ZNF827: variants seen among roughly 807,000 people sequenced by gnomAD.
ZNF827 encodes the protein zinc finger protein 827.
Under a neutral mutation model 102.4 loss-of-function variants are expected in ZNF827, and 13 were observed. That is an observed-to-expected ratio of 0.13 (90% CI 0.08 to 0.20). The LOEUF is 0.20. Ranked by LOEUF, ZNF827 falls within the 10% of genes least tolerant of loss-of-function variation. The pLI is 1.00. For missense variants in ZNF827, 1,103 were observed against 1,344.4 expected (o/e 0.82, Z 2.81); for synonymous variants, 523 against 536.2 (o/e 0.98, Z 0.34).
chr4:145,779,881 G>A (rs890561210), intron 8 of ZNF827, among the ~76,000 whole-genome samples: 1 of 152,198 alleles, frequency 6.6e-6, no homozygotes, highest in Non-Finnish European at 1.5e-5. Flanking sequence ...GTAGGCTCTT[G>A]CCACAAGGCA....
At chr4:145,815,407 G>A (rs909864699) in intron 8 of ZNF827, among the ~76,000 whole-genome samples, 4 of 152,198 alleles carry the variant, frequency 2.6e-5, no homozygotes, top group Non-Finnish European at 5.9e-5. Flanking sequence ...AATGAAAAAT[G>A]AAGTCCTGGA....
Position 145,823,478 on chromosome 4 carries a change from T to C in ZNF827, c.2327A>G (p.Asn776Ser), listed in dbSNP as rs756365152. Residue 776 changes from asparagine to serine, a missense_variant, in exon 8 of 15, where the codon AAT becomes AGT. By Grantham distance (46) the Asn-to-Ser change is conservative (BLOSUM62 1). Transcript: ENST00000508784. The part of the protein sequence containing the change: ...DTFRQSPFTS[N>S]SKELLPSDSV... ...GTCACTGGGCAGCAGTTCTTTTGAATTGGAGGTGAATGGTGATTGTCTAAA... is the reference window on the plus strand; with the variant it reads ...GTCACTGGGCAGCAGTTCTTTTGAACTGGAGGTGAATGGTGATTGTCTAAA... The C allele has an allele frequency of 8.1e-6, 13 of 1,613,734 alleles. No homozygotes were observed. Among genetic ancestry groups the C allele is most frequent in the East Asian group, 6.7e-5 (3 of 44,868 alleles).
At chr4:145,901,996 G>C (rs530389442) in intron 2 of ZNF827, among the ~76,000 whole-genome samples, 170 bp downstream of exon 2, 1 of 152,176 alleles carries the variant, frequency 6.6e-6, no homozygotes, top group African/African-American at 2.4e-5. Flanking sequence ...TGTGTAATAC[G>C]TACATGAAAG....
intron 8 of ZNF827, among the ~76,000 whole-genome samples, chr4:145,796,156 C>T (rs1296113759): frequency 6.6e-6 from 1 of 152,176 alleles, no homozygotes; most frequent in Non-Finnish European, 1.5e-5. Flanking sequence ...GAAAAACTTG[C>T]CATTTGGAAC....
At chr4:145,918,426 A>C (rs1270385449) in intron 1 of ZNF827, among the ~76,000 whole-genome samples, 2 of 150,468 alleles carry the variant, frequency 1.3e-5, no homozygotes, top group African/African-American at 4.9e-5. Flanking sequence ...AAAAAAAAAA[A>C]GCGGAATGGT....
chr4:145,872,664 G>A (rs1748803204), intron 4 of ZNF827, among the ~76,000 whole-genome samples: 1 of 151,990 alleles, frequency 6.6e-6, no homozygotes, highest in Admixed American at 6.6e-5. Flanking sequence ...ATCACTTGAG[G>A]TCAGGAGTTT....
Position 145,902,423 on chromosome 4 carries a change from A to T in ZNF827, c.836T>A (p.Leu279His), listed in dbSNP as rs780301032. 7.4e-6 allele frequency: 12 copies of T among 1,614,098 alleles called. No individual in the cohort carries two copies. The highest frequency in any genetic ancestry group is 1.0e-5 in the Non-Finnish European group (12 of 1,180,038). ...TGAGGAGGTCATAGAAGCCAGGGAA[A>T]GGAAGGAGCTGGCCGGTGGAGGGTG... The part of the protein sequence containing the change: ...QEHPPPASSF[L>H]SLASMTSSAA... The change falls in exon 2 of 15, where the codon CTT (leucine) becomes CAT (histidine). Residue 279 changes from leucine (L) to histidine (H), a missense_variant. Coordinates refer to ENST00000508784, the MANE Select transcript of ZNF827 (RefSeq NM_001306215.2). This position sits in a 1 kb window ranked among gnomAD's most constrained non-coding sequence, Gnocchi z 4.3.
At chr4:145,783,142 G>A (rs998841119) in intron 8 of ZNF827, among the ~76,000 whole-genome samples, 4 of 152,248 alleles carry the variant, frequency 2.6e-5, no homozygotes, top group Middle Eastern at 3.4e-3. Flanking sequence ...CAGTCAACAC[G>A]TCCCCTGGCC....
chr4:145,886,369 T>C (rs976932770), intron 3 of ZNF827, among the ~76,000 whole-genome samples: 1 of 152,210 alleles, frequency 6.6e-6, no homozygotes, highest in African/African-American at 2.4e-5. Context: ...ATTAGGGCCA[T>C]GCTCACAACT....
At chr4:145,936,605 C>CG (rs1754191020) in intron 1 of ZNF827, among the ~76,000 whole-genome samples, 1 of 152,074 alleles carries the variant, frequency 6.6e-6, no homozygotes, top group African/African-American at 2.4e-5. Flanking sequence ...CACGGAGGCG[C>CG]GGGGGCGCCT....
At position 145,779,381 on chromosome 4, in the gene ZNF827, C is replaced by T; in HGVS notation, c.2514G>A (p.Leu838=). 1 of 1,613,928 alleles carries T rather than the reference C, an allele frequency of 6.2e-7. No homozygotes were observed. The highest frequency in any genetic ancestry group is 1.1e-5 in the South Asian group (1 of 91,040). Residue 838 remains leucine, a synonymous_variant, in exon 9 of 15, where the codon CTG becomes CTA. Coordinates refer to ENST00000508784, the MANE Select transcript of ZNF827 (RefSeq NM_001306215.2). ...RQQTLSRHLS[L]HTEERKYKCH... is the part of the protein sequence containing the mutation. ...CAGGCCCTACTCACTCACCTGTGTG[C>T]AGCGAGAGGTGTCGGGACAATGTCT...
At chr4:145,821,859 G>C (rs1353272120) in intron 8 of ZNF827, among the ~76,000 whole-genome samples, 1 of 152,128 alleles carries the variant, frequency 6.6e-6, no homozygotes. Context: ...GTTTTAACTT[G>C]ACCAATAAAC....
chr4:145,938,479 C>A lies in ZNF827; in HGVS notation c.-72G>T. 1.2e-6 allele frequency: 1 copy of A among 839,804 alleles called. No individual in the cohort carries two copies. The highest frequency in any genetic ancestry group is 1.6e-6 in the Non-Finnish European group (1 of 624,538). The allele number at this position is 839,804 out of a possible 1,614,324, so 52.0% of individuals were successfully genotyped here. A position where few individuals can be genotyped will look rare whatever the true frequency, so the allele number is the denominator to read the frequency against. ...ATAAACCCCCGTGGGGGCAGAGAGG[C>A]AGACACTGGCAGGAGCGGGGAGGTA... On this transcript the variant is annotated 5_prime_UTR_variant, in exon 1 of 15. Transcript: ENST00000508784.
intron 8 of ZNF827, among the ~76,000 whole-genome samples, chr4:145,793,108 A>G (rs188766608): frequency 3.3e-5 from 5 of 151,726 alleles, no homozygotes; most frequent in African/African-American, 1.2e-4. Context: ...CACTAGCTAT[A>G]GGCAAGAGAA....
chr4:145,765,843 G>C lies in ZNF827; in HGVS notation c.2861-105C>G. The C allele has an allele frequency of 8.4e-7, 1 of 1,197,578 alleles. No individual in the cohort carries two copies. The highest frequency in any genetic ancestry group is 1.6e-5 in the South Asian group (1 of 64,336). The allele number at this position is 1,197,578 out of a possible 1,614,324, so 74.2% of individuals were successfully genotyped here. The stretch of plus-strand genomic sequence containing the variant: ...GTCTCATGGATGCATCATCATTCTG[G>C]GGGCACAGGCTCATGTCCCCAGCTC... On this transcript the variant is annotated intron_variant, in intron 11 of 14. Transcript: ENST00000508784. The surrounding 1 kb of genome is among the most constrained non-coding windows in gnomAD (Gnocchi z 4.7).
At chr4:145,882,418 A>T (rs1268713544) in intron 4 of ZNF827, among the ~76,000 whole-genome samples, 2 of 152,156 alleles carry the variant, frequency 1.3e-5, no homozygotes, top group African/African-American at 4.8e-5. Flanking sequence ...TGAAGGACCA[A>T]GCAGTGTTAA....
At chr4:145,910,613 T>C (rs1752214459) in intron 1 of ZNF827, among the ~76,000 whole-genome samples, 1 of 152,188 alleles carries the variant, frequency 6.6e-6, no homozygotes, top group South Asian at 2.1e-4. Flanking sequence ...GCCTTCCAAC[T>C]GGTCTCCTCA....
chr4:145,908,921 CA>C (rs1752074592), intron 1 of ZNF827, among the ~76,000 whole-genome samples: 1 of 152,064 alleles, frequency 6.6e-6, no homozygotes, highest in Admixed American at 6.5e-5. Flanking sequence ...AAATGGACCT[CA>C]AAGGATGAGG....
rs1350863651 is a variant in ZNF827 at position 145,907,304 on chromosome 4, CCTT to C, written c.44-4092_44-4090del. On this transcript the variant is annotated intron_variant, in intron 1 of 14. Coordinates refer to ENST00000508784, the MANE Select transcript of ZNF827 (RefSeq NM_001306215.2). ...CAGTGGTCTAGCTATGGTGAGCTCT[CCTT>C]CTGCAGAGTGTACGACAACCTGCAC... 3 of 438,258 alleles carry C rather than the reference CCTT, an allele frequency of 6.8e-6. No individual in the cohort carries two copies. The Admixed American group carries it at 7.8e-5, about 11-fold the overall frequency. 27.1% of individuals were successfully genotyped at this position (438,258 alleles called of 1,614,324 possible). A position where few individuals can be genotyped will look rare whatever the true frequency, so the allele number is the denominator to read the frequency against.
Sources: gnomAD v4.1 joint callset for allele counts (sites outside exome capture counted in the v4.1 genomes callset) on GRCh38, gnomAD v4.1.1 for gene constraint, Gnocchi (gnomAD v3.1) non-coding constraint, MANE v1.5 for transcripts, NCBI Gene and HGNC (gene_info 2026-07-23, HGNC 2026-07-21) for gene names.